Variants in EIF3B observed in about 807,000 individuals in gnomAD.
The protein encoded by EIF3B is eukaryotic translation initiation factor 3 subunit 9.
A neutral mutation model predicts 104.6 loss-of-function variants in EIF3B; 10 were observed. That is an observed-to-expected ratio of 0.10 (90% CI 0.06 to 0.16). EIF3B has a LOEUF of 0.16. EIF3B is among the 10% of genes least tolerant of loss of function. The probability of loss-of-function intolerance (pLI) is 1.00; values close to 1 mark genes in which losing one functional copy is unlikely to be tolerated. For synonymous variants in EIF3B, 542 were observed against 417.2 expected (o/e 1.30, Z -3.65); for missense variants, 1,014 against 1,087.9 (o/e 0.93, Z 0.96).
intron 8 of EIF3B, 104 bp downstream of exon 8, chr7:2,366,695 A>G: frequency 1.5e-6 from 2 of 1,342,592 alleles, no homozygotes; most frequent in Non-Finnish European, 2.1e-6. Context: ...GAGGTTTCAC[A>G]GATGCATAGG....
At chr7:2,364,265 A>G (rs911707038) in intron 5 of EIF3B, 107 bp from the exon 6 acceptor site, 4 of 1,173,522 alleles carry the variant, frequency 3.4e-6, no homozygotes, top group African/African-American at 1.6e-5. Flanking sequence ...GTCTCAAAAA[A>G]AAAAAAAGTT....
Position 2,371,390 on chromosome 7 carries a change from C to A in EIF3B, c.1615-387C>A, listed in dbSNP as rs76548587. On this transcript the variant is annotated intron_variant, in intron 10 of 18. Coordinates refer to ENST00000360876, the MANE Select transcript of EIF3B (RefSeq NM_001037283.2). ...GGGCAGGACTTCTTGAAGGTTATGGCTACAGGACACCCCACTGTCTGAAGT... is the reference window on the plus strand; with the variant it reads ...GGGCAGGACTTCTTGAAGGTTATGGATACAGGACACCCCACTGTCTGAAGT... 1.4e-3 allele frequency among the ~76,000 whole-genome samples: 217 copies of A among 152,352 alleles called. 4 individuals are homozygous for A. In the South Asian group the frequency reaches 0.02, roughly 14 times the overall value.
intron 6 of EIF3B, 118 bp from the exon 7 acceptor site, chr7:2,366,199 G>A: frequency 1.8e-6 from 2 of 1,118,416 alleles, no homozygotes; most frequent in Non-Finnish European, 2.5e-6. Context: ...GCCGGGCAGT[G>A]TGGGGTTTGG....
chr7:2,355,329 C>G lies in EIF3B; in HGVS notation c.408C>G (p.Ala136=). The change falls in exon 1 of 19, where the codon GCC becomes GCG. Residue 136 remains alanine, a synonymous_variant. Coordinates refer to ENST00000360876, the MANE Select transcript of EIF3B (RefSeq NM_001037283.2). ...CGGGAGGAAACGAGGGCAGAGCGGC[C>G]GAGGCCGAACCCCGGGCGCTGGAGA... ...EDAGGNEGRA[A]EAEPRALENG... 1.3e-6 allele frequency: 2 copies of G among 1,540,874 alleles called. No homozygotes were observed. Among genetic ancestry groups the G allele is most frequent in the Non-Finnish European group, 1.7e-6 (2 of 1,150,898 alleles).
At chr7:2,359,614 G>A (rs959032394) in intron 1 of EIF3B, among the ~76,000 whole-genome samples, 1 of 152,210 alleles carries the variant, frequency 6.6e-6, no homozygotes, top group South Asian at 2.1e-4. Flanking sequence ...GTAAGCTGCT[G>A]CAGTAAATTA....
intron 9 of EIF3B, 130 bp downstream of exon 9, chr7:2,367,175 T>C: frequency 1.1e-6 from 1 of 920,278 alleles, no homozygotes; most frequent in East Asian, 2.6e-5. Flanking sequence ...CTCCCAGTTC[T>C]GGAGCTTGGG....
Position 2,366,416 on chromosome 7 carries a change from C to T in EIF3B, c.1257C>T (p.His419=), listed in dbSNP as rs144904326. Residue 419 remains histidine, a synonymous_variant, in exon 7 of 19, where the codon CAC becomes CAT. Transcript: ENST00000360876. Reference sequence around the variant, plus strand: ...CGGGGCACAAGAAGAGGGGTTTTCACTGTGAGAGCTCAGCCCATTGGCCTA... The same window carrying T: ...CGGGGCACAAGAAGAGGGGTTTTCATTGTGAGAGCTCAGCCCATTGGCCTA... ...ILTGHKKRGF[H]CESSAHWPIF... 9,279 of 1,614,060 alleles carry T rather than the reference C, an allele frequency of 5.7e-3. 47 individuals are homozygous for T. Among genetic ancestry groups the T allele is most frequent in the Middle Eastern group, 0.014 (86 of 6,062 alleles).
chr7:2,379,799 C>T (rs1780897309), intron 18 of EIF3B: 1 of 417,704 alleles, frequency 2.4e-6, no homozygotes, highest in Non-Finnish European at 4.4e-6. Context: ...GTGGCCATGC[C>T]TGGCCATTTC....
chr7:2,356,728 A>T (rs928838600), intron 1 of EIF3B, among the ~76,000 whole-genome samples: 2 of 152,050 alleles, frequency 1.3e-5, no homozygotes, highest in Non-Finnish European at 2.9e-5. Flanking sequence ...TTAACCCAGG[A>T]GGTGGAGGTT....
At chr7:2,370,762 CT>C (rs1198548333) in intron 10 of EIF3B, among the ~76,000 whole-genome samples, 1 of 151,888 alleles carries the variant, frequency 6.6e-6, no homozygotes, top group East Asian at 1.9e-4. Context: ...GAGACCCCAT[CT>C]CCACAGATAA....
At chr7:2,378,610 C>T in intron 15 of EIF3B, 79 bp from the exon 16 acceptor site, 2 of 1,307,348 alleles carry the variant, frequency 1.5e-6, no homozygotes, top group Non-Finnish European at 2.2e-6. Context: ...GGTGTCATGT[C>T]ATGTTGGCAA....
chr7:2,361,056 G>A (rs1168349029), intron 2 of EIF3B, among the ~76,000 whole-genome samples, 154 bp downstream of exon 2: 1 of 152,182 alleles, frequency 6.6e-6, no homozygotes, highest in Non-Finnish European at 1.5e-5. Context: ...GCTATCCAGA[G>A]CAGTGAATGA....
rs773012336 is a variant in EIF3B at position 2,360,744 on chromosome 7, G to T, written c.534G>T (p.Gln178His). The part of the protein sequence containing the change: ...LLGDVLKDRP[Q>H]EADGIDSVIV... The stretch of plus-strand genomic sequence containing the variant: ...GAGATGTACTCAAAGATCGGCCCCA[G>T]GAAGCAGATGGAATCGATTCGGTGA... The change falls in exon 2 of 19, where the codon CAG becomes CAT. Residue 178 changes from glutamine (Q) to histidine (H), a missense_variant. Transcript: ENST00000360876. 1 of 1,596,734 alleles carries T rather than the reference G, an allele frequency of 6.3e-7. No homozygotes were observed. The highest frequency in any genetic ancestry group is 1.3e-5 in the African/African-American group (1 of 74,714).
At chr7:2,362,596 T>G in intron 2 of EIF3B, 49 bp from the exon 3 acceptor site, 1 of 1,610,918 alleles carries the variant, frequency 6.2e-7, no homozygotes. Context: ...AGCGCATACC[T>G]GCCTAGCCTT....
At chr7:2,369,978 T>TGTTG (rs928429676) in intron 10 of EIF3B, among the ~76,000 whole-genome samples, 28 of 151,990 alleles carry the variant, frequency 1.8e-4, no homozygotes, top group African/African-American at 6.3e-4. Context: ...GGTTTCACCA[T>TGTTG]GTTGGCCAGG....
chr7:2,379,347 AC>A, intron 17 of EIF3B, 46 bp from the exon 18 acceptor site: 1 of 1,555,444 alleles, frequency 6.4e-7, no homozygotes, highest in Non-Finnish European at 8.7e-7. Context: ...CGGCGGTGCC[AC>A]TAGGCATGTG....
Position 2,355,280 on chromosome 7 carries a change from G to A in EIF3B, c.359G>A (p.Arg120Gln). 6.5e-7 allele frequency: 1 copy of A among 1,534,400 alleles called. No individual in the cohort carries two copies. The highest frequency in any genetic ancestry group is 2.4e-5 in the East Asian group (1 of 40,836). ...GCTCGGGACGAGCGCTCCGACAGCC[G>A]GGCCCAGGCGGTGTCCGAGGACGCG... is the stretch of plus-strand genomic sequence containing the variant. ...EQARDERSDS[R>Q]AQAVSEDAGG... The change falls in exon 1 of 19, where the codon CGG becomes CAG. Residue 120 changes from arginine to glutamine, a missense_variant. This residue lies in a region of EIF3B where 488 missense variants were observed against 404.3 expected (regional missense o/e 1.21). Transcript: ENST00000360876.
At chr7:2,378,297 G>A (rs1458072190) in intron 15 of EIF3B, 2 of 239,060 alleles carry the variant, frequency 8.4e-6, no homozygotes, top group Non-Finnish European at 1.6e-5. Context: ...GTGTCATGGA[G>A]GAAGGAACAG....
Position 2,380,702 on chromosome 7 carries a change from T to TA in EIF3B, c.*513_*514insA. On this transcript the variant is annotated 3_prime_UTR_variant, in exon 19 of 19. Coordinates refer to ENST00000360876, the MANE Select transcript of EIF3B (RefSeq NM_001037283.2). ...ACCGTGCAGGTTGTGGCCGGTTTTC[T>TA]CCGCAGGTTGAACATGGAAATAAAA... 1 of 176,524 alleles carries TA rather than the reference T, an allele frequency of 5.7e-6. No individual in the cohort carries two copies. The highest frequency in any genetic ancestry group is 1.2e-5 in the Non-Finnish European group (1 of 81,836). 10.9% of individuals were successfully genotyped at this position (176,524 alleles called of 1,614,324 possible).
Sources: gnomAD v4.1 joint callset for allele counts (sites outside exome capture counted in the v4.1 genomes callset) on GRCh38, gnomAD v4.1.1 for gene constraint, gnomAD v4.1.1 regional missense constraint, MANE v1.5 for transcripts, NCBI Gene and HGNC (gene_info 2026-07-23, HGNC 2026-07-21) for gene names.